CHST9: variants seen among roughly 807,000 people sequenced by gnomAD.
CHST9 encodes the protein GalNAc-4-sulfotransferase 2.
Under a neutral mutation model 44.4 loss-of-function variants are expected in CHST9, and 41 were observed. The observed-to-expected ratio is 0.92, with a 90% CI of 0.72 to 1.20. The LOEUF (loss-of-function observed/expected upper bound fraction) is 1.20, where lower values mean the gene tolerates loss of function less well. Among genes scored for constraint, CHST9 ranks in the 50% most tolerant of loss-of-function variants. The pLI, the probability that CHST9 is intolerant of heterozygous loss-of-function variation, is 0.00. For synonymous variants in CHST9, 171 were observed against 178.4 expected, an observed-to-expected ratio of 0.96 and a Z score of 0.33; for missense variants, 504 against 516.5, an observed-to-expected ratio of 0.98 and a Z score of 0.23.
intron 1 of CHST9, among the ~76,000 whole-genome samples, chr18:27,162,455 G>A (rs1166166475): frequency 6.6e-6 from 1 of 152,156 alleles, no homozygotes; most frequent in Non-Finnish European, 1.5e-5. Flanking sequence ...CTTCTGGCTT[G>A]TAGAGTTTCT....
chr18:26,975,764 T>TAA (rs1491548315), intron 4 of CHST9, among the ~76,000 whole-genome samples: 12 of 136,228 alleles, frequency 8.8e-5, no homozygotes, highest in African/African-American at 3.2e-4. Context: ...TATATATATA[T>TAA]AACATTTTCT....
At chr18:27,150,792 C>T (rs1190307685) in intron 1 of CHST9, among the ~76,000 whole-genome samples, 1 of 152,138 alleles carries the variant, frequency 6.6e-6, no homozygotes, top group Admixed American at 6.6e-5. Flanking sequence ...ATGTATCCAA[C>T]AGCTTTACAA....
chr18:27,024,056 G>A, intron 4 of CHST9, 60 bp downstream of exon 4: 2 of 1,479,790 alleles, frequency 1.4e-6, no homozygotes, highest in Non-Finnish European at 1.9e-6. Context: ...AGATATTCTA[G>A]TTGTTGCTCT....
At chr18:27,020,370 A>C (rs961240085) in intron 4 of CHST9, among the ~76,000 whole-genome samples, 4 of 152,332 alleles carry the variant, frequency 2.6e-5, no homozygotes, top group African/African-American at 9.6e-5. Flanking sequence ...AGGTGCTTGG[A>C]AGTGAATTTC....
intron 2 of CHST9, among the ~76,000 whole-genome samples, chr18:27,063,846 G>A (rs1042711623): frequency 1.4e-5 from 2 of 145,314 alleles, no homozygotes; most frequent in Admixed American, 6.8e-5. Context: ...AGTTGAGCCA[G>A]TTGTATTCAA....
intron 3 of CHST9, among the ~76,000 whole-genome samples, chr18:27,029,428 A>T (rs1391928624): frequency 6.6e-6 from 1 of 152,134 alleles, no homozygotes; most frequent in African/African-American, 2.4e-5. Flanking sequence ...CCCATGATGC[A>T]ATGGTCCCAT....
At chr18:27,079,532 T>A (rs185183712) in intron 2 of CHST9, among the ~76,000 whole-genome samples, 1 of 152,288 alleles carries the variant, frequency 6.6e-6, no homozygotes, top group African/African-American at 2.4e-5. Flanking sequence ...GCATAAATTT[T>A]AAAAAAATTT....
chr18:27,142,479 A>C (rs566406190), intron 2 of CHST9, among the ~76,000 whole-genome samples: 1 of 152,328 alleles, frequency 6.6e-6, no homozygotes, highest in African/African-American at 2.4e-5. Flanking sequence ...TGAGATAACA[A>C]AAATTTCCAT....
chr18:27,160,781 T>A (rs190701440), intron 1 of CHST9, among the ~76,000 whole-genome samples: 128 of 152,316 alleles, frequency 8.4e-4, no homozygotes, highest in Non-Finnish European at 1.5e-3. Context: ...ATTGCCTCAA[T>A]TTCAGAGCCT....
chr18:27,052,530 T>C (rs1163532968), intron 2 of CHST9, among the ~76,000 whole-genome samples: 3 of 152,130 alleles, frequency 2.0e-5, no homozygotes, highest in Non-Finnish European at 4.4e-5. Flanking sequence ...ATTCTCTCAA[T>C]GTTCACTTTC....
chr18:27,018,753 T>C (rs754296067), intron 4 of CHST9, among the ~76,000 whole-genome samples: 7 of 152,194 alleles, frequency 4.6e-5, no homozygotes, highest in Admixed American at 1.3e-4. Context: ...TAACTATCCT[T>C]TCCTACCAAC....
intron 5 of CHST9, among the ~76,000 whole-genome samples, chr18:26,925,223 A>G (rs2055743118): frequency 6.6e-6 from 1 of 152,156 alleles, no homozygotes; most frequent in South Asian, 2.1e-4. Context: ...AGCCAGGCAG[A>G]ATCATTTCCA....
intron 2 of CHST9, among the ~76,000 whole-genome samples, chr18:27,077,071 T>C (rs2057912119): frequency 6.6e-6 from 1 of 152,248 alleles, no homozygotes; most frequent in Non-Finnish European, 1.5e-5. Flanking sequence ...TCTGAATTTA[T>C]AGCTTCACAT....
chr18:27,162,774 G>A (rs578186597), intron 1 of CHST9, among the ~76,000 whole-genome samples: 12 of 152,222 alleles, frequency 7.9e-5, no homozygotes, highest in Middle Eastern at 3.4e-3. Context: ...CCTTTAGCTC[G>A]GAGTAGTTTG....
chr18:27,170,614 A>C (rs2143956124), intron 1 of CHST9, among the ~76,000 whole-genome samples: 1 of 152,338 alleles, frequency 6.6e-6, no homozygotes, highest in East Asian at 1.9e-4. Context: ...TTAAACATTA[A>C]ATAAAATATT....
At chr18:27,121,174 AT>A (rs1237841040) in intron 2 of CHST9, among the ~76,000 whole-genome samples, 1 of 151,878 alleles carries the variant, frequency 6.6e-6, no homozygotes, top group Non-Finnish European at 1.5e-5. Context: ...TTTAAAATTT[AT>A]TTTATTTTTT....
At chr18:27,134,733 C>T (rs987255605) in intron 2 of CHST9, among the ~76,000 whole-genome samples, 1 of 152,066 alleles carries the variant, frequency 6.6e-6, no homozygotes, top group African/African-American at 2.4e-5. Context: ...CATTGCTAAG[C>T]CTTAGCAATG....
At chr18:27,008,404 T>C (rs1483264841) in intron 4 of CHST9, among the ~76,000 whole-genome samples, 1 of 152,154 alleles carries the variant, frequency 6.6e-6, no homozygotes, top group Non-Finnish European at 1.5e-5. Flanking sequence ...ATAACAACAA[T>C]CAAGTAGTTA....
intron 2 of CHST9, among the ~76,000 whole-genome samples, chr18:27,130,748 T>A (rs533046286): frequency 1.3e-5 from 2 of 152,236 alleles, no homozygotes; most frequent in Non-Finnish European, 2.9e-5. Flanking sequence ...ATTCATATAA[T>A]GAAATATTAG....
Sources: allele counts gnomAD v4.1 joint callset (sites outside exome capture counted in the v4.1 genomes callset), GRCh38; gene constraint gnomAD v4.1.1; transcripts MANE v1.5; gene names NCBI Gene and HGNC (gene_info 2026-07-23, HGNC 2026-07-21).